RYR2: variants seen among roughly 807,000 people sequenced by gnomAD.
The protein encoded by RYR2 is cardiac muscle ryanodine receptor-calcium release channel.
RYR2 carries 227 observed loss-of-function variants against 601.1 expected under a neutral mutation model. The ratio of observed to expected loss-of-function variants is 0.38; its 90% CI spans 0.34 to 0.42. RYR2 has a LOEUF of 0.42. Among genes scored for constraint, RYR2 ranks in the 10% least tolerant of loss-of-function variants. The pLI, the probability that RYR2 is intolerant of heterozygous loss-of-function variation, is 1.00. For missense variants in RYR2, 4,646 were observed against 6,156.5 expected, an observed-to-expected ratio of 0.75 and a Z score of 8.21; for synonymous variants, 2,223 against 2,175.1, an observed-to-expected ratio of 1.02 and a Z score of -0.61.
At chr1:237,344,589 T>G (rs1185767270) in intron 3 of RYR2, among the ~76,000 whole-genome samples, 1 of 152,186 alleles carries the variant, frequency 6.6e-6, no homozygotes, top group Non-Finnish European at 1.5e-5. Flanking sequence ...TTAAACACTT[T>G]CATGAAGCTC....
intron 33 of RYR2, among the ~76,000 whole-genome samples, chr1:237,595,149 T>C (rs1187251422): frequency 2.0e-5 from 3 of 151,914 alleles, no homozygotes; most frequent in Non-Finnish European, 4.4e-5. Context: ...AGATGAAAAT[T>C]ACAAATTTGG....
intron 1 of RYR2, among the ~76,000 whole-genome samples, chr1:237,068,499 C>T (rs975904995): frequency 6.6e-6 from 1 of 152,090 alleles, no homozygotes; most frequent in Non-Finnish European, 1.5e-5. Flanking sequence ...TGTGTAAATA[C>T]ATTCTTTACT....
intron 79 of RYR2, among the ~76,000 whole-genome samples, chr1:237,739,231 T>A (rs1485873709): frequency 6.6e-6 from 1 of 152,212 alleles, no homozygotes; most frequent in African/African-American, 2.4e-5. Context: ...CATCTTTGTA[T>A]CTTTCAAGCC....
chr1:237,241,888 A>G (rs1472606273), intron 1 of RYR2, among the ~76,000 whole-genome samples: 1 of 152,188 alleles, frequency 6.6e-6, no homozygotes, highest in African/African-American at 2.4e-5. Context: ...GAGGATGAAC[A>G]GAGGTCACTT....
intron 80 of RYR2, among the ~76,000 whole-genome samples, chr1:237,754,756 C>A (rs901098647): frequency 3.3e-5 from 5 of 152,154 alleles, no homozygotes; most frequent in African/African-American, 1.2e-4. Flanking sequence ...TAAACAACAC[C>A]TGAAGAGCAG....
chr1:237,737,295 T>C (rs1691233242), intron 79 of RYR2, among the ~76,000 whole-genome samples: 1 of 152,202 alleles, frequency 6.6e-6, no homozygotes, highest in Admixed American at 6.5e-5. Context: ...TCATATTCAT[T>C]TTATTGTTTA....
chr1:237,417,257 A>G (rs566851718), intron 11 of RYR2, 134 bp downstream of exon 11: 2 of 653,496 alleles, frequency 3.1e-6, no homozygotes, highest in African/African-American at 1.8e-5. Flanking sequence ...AAAGTGGTGG[A>G]CAGTTTCTCT....
chr1:237,731,891 T>TACACACAAAC, intron 77 of RYR2, among the ~76,000 whole-genome samples, 155 bp from the exon 78 acceptor site: 1 of 147,404 alleles, frequency 6.8e-6, no homozygotes, highest in East Asian at 2.0e-4. Flanking sequence ...GCATATAAAA[T>TACACACAAAC]ACACACACAC....
rs778485159 is a variant in RYR2 at position 237,704,522 on chromosome 1, T to A, written c.9450-691T>A. On this transcript the variant is annotated intron_variant, in intron 66 of 104. Coordinates refer to ENST00000366574, the MANE Select transcript of RYR2 (RefSeq NM_001035.3). ...ATATAGCCTGAATTGTTAGTATTTT[T>A]AAAAATATTTTAATATCTGGTTTTT... Among the ~76,000 whole-genome samples the A allele has an allele frequency of 1.2e-4, 18 of 152,228 alleles. No individual in the cohort carries two copies. The East Asian group carries it at 2.5e-3, about 21-fold the overall frequency.
chr1:237,743,251 G>A (rs1421250310), intron 80 of RYR2, among the ~76,000 whole-genome samples: 2 of 152,138 alleles, frequency 1.3e-5, no homozygotes, highest in Non-Finnish European at 2.9e-5. Context: ...CAATGAATAA[G>A]CTCAGAGCAG....
chr1:237,659,096 G>T (rs1348870333), intron 54 of RYR2, among the ~76,000 whole-genome samples: 16 of 152,152 alleles, frequency 1.1e-4, no homozygotes, highest in Non-Finnish European at 4.4e-5. Context: ...GACACCAAAG[G>T]TTGCTTCCAG....
At chr1:237,371,981 G>A (rs1700679123) in intron 6 of RYR2, among the ~76,000 whole-genome samples, 1 of 152,008 alleles carries the variant, frequency 6.6e-6, no homozygotes, top group African/African-American at 2.4e-5. Flanking sequence ...CACCAACATG[G>A]CACATGGCAC....
chr1:237,701,265 G>A (rs565702580), intron 65 of RYR2, among the ~76,000 whole-genome samples: 15 of 152,254 alleles, frequency 9.9e-5, no homozygotes, highest in South Asian at 4.1e-4. Context: ...GTGCAGTGGC[G>A]CATGCCTGTA....
chr1:237,399,146 G>A (rs1466949595), intron 10 of RYR2, among the ~76,000 whole-genome samples: 1 of 152,158 alleles, frequency 6.6e-6, no homozygotes, highest in African/African-American at 2.4e-5. Context: ...AGTGAGCTGA[G>A]ATCATGCCAC....
At chr1:237,212,582 C>G (rs568276791) in intron 1 of RYR2, among the ~76,000 whole-genome samples, 1 of 151,704 alleles carries the variant, frequency 6.6e-6, no homozygotes, top group Admixed American at 6.6e-5. Flanking sequence ...TCCAGCCTGA[C>G]GACAGAGCAA....
chr1:237,344,139 A>T (rs1477472305), intron 3 of RYR2, among the ~76,000 whole-genome samples: 1 of 152,162 alleles, frequency 6.6e-6, no homozygotes, highest in African/African-American at 2.4e-5. Flanking sequence ...AGGGGTTTTT[A>T]GTTCCTCGGG....
intron 16 of RYR2, among the ~76,000 whole-genome samples, chr1:237,468,691 T>C (rs1473500909): frequency 6.6e-6 from 1 of 152,218 alleles, no homozygotes; most frequent in East Asian, 1.9e-4. Context: ...AAAACTGATT[T>C]GCTCTTTTTA....
At chr1:237,204,638 G>A (rs1479489480) in intron 1 of RYR2, among the ~76,000 whole-genome samples, 1 of 152,074 alleles carries the variant, frequency 6.6e-6, no homozygotes, top group East Asian at 1.9e-4. Flanking sequence ...GCATTCCTTA[G>A]CTCTGGTTCT....
chr1:237,279,887 A>G (rs1335410045), intron 2 of RYR2, among the ~76,000 whole-genome samples: 2 of 152,202 alleles, frequency 1.3e-5, no homozygotes, highest in South Asian at 2.1e-4. Context: ...GTTGCATCCA[A>G]TATTTCAATT....
Sources: gnomAD v4.1 joint callset for allele counts (sites outside exome capture counted in the v4.1 genomes callset) on GRCh38, gnomAD v4.1.1 for gene constraint, MANE v1.5 for transcripts, NCBI Gene and HGNC (gene_info 2026-07-23, HGNC 2026-07-21) for gene names.